Variants in TTK observed in about 807,000 individuals in gnomAD.
TTK encodes the protein dual specificity protein kinase TTK.
TTK carries 59 observed loss-of-function variants against 117.3 expected under a neutral mutation model. The observed-to-expected ratio is 0.50, with a 90% confidence interval of 0.41 to 0.62. The LOEUF is 0.62. Ranked by LOEUF, TTK falls within the 20% of genes least tolerant of loss-of-function variation. TTK has a pLI of 0.00. For synonymous variants in TTK, 302 were observed against 325.0 expected (o/e 0.93, Z 0.76); for missense variants, 921 against 989.4 (o/e 0.93, Z 0.93).
In TTK at chr6:80,024,860, G is replaced by GTCCAGACCATTTCTTCC. The variant is rs536064201; in HGVS notation, c.1258-1515_1258-1499dup. ...TATGGCTGTGTGCTCTCTGTTCTGT[G>GTCCAGACCATTTCTTCC]TCCAGACCATTTCTTCCTCTTTCTT... On this transcript the variant is annotated intron_variant, in intron 11 of 21. Coordinates refer to ENST00000369798, the MANE Select transcript of TTK (RefSeq NM_003318.5). Among the ~76,000 whole-genome samples the GTCCAGACCATTTCTTCC allele has an allele frequency of 8.2e-4, 125 of 152,202 alleles. 1 individual carries two copies. The highest frequency in any genetic ancestry group is 2.6e-3 in the African/African-American group (109 of 41,528).
rs758718963 is a variant in TTK at position 80,035,429 on chromosome 6, T to G, written c.1924+12T>G. On this transcript the variant is annotated intron_variant, in intron 16 of 21. Coordinates refer to ENST00000369798, the MANE Select transcript of TTK (RefSeq NM_003318.5). ...AATCCATCAACATGGTATTTAACAGTTTTTTTATATTTGTAAGGTTAAAAT... is the reference window on the plus strand; with the variant it reads ...AATCCATCAACATGGTATTTAACAGGTTTTTTATATTTGTAAGGTTAAAAT... 2 of 1,583,084 alleles carry G rather than the reference T, an allele frequency of 1.3e-6. No homozygotes were observed. Among genetic ancestry groups the G allele is most frequent in the South Asian group, 1.2e-5 (1 of 84,940 alleles).
intron 15 of TTK, 43 bp from the exon 16 acceptor site, chr6:80,035,223 C>A (rs530164028): frequency 3.9e-6 from 6 of 1,550,858 alleles, no homozygotes; most frequent in Non-Finnish European, 5.2e-6. Flanking sequence ...TTAATATAAC[C>A]TAGCCATTTA....
At chr6:80,008,748 A>T (rs1392367715) in intron 4 of TTK, among the ~76,000 whole-genome samples, 1 of 152,120 alleles carries the variant, frequency 6.6e-6, no homozygotes, top group Non-Finnish European at 1.5e-5. Context: ...TAGATTCAGG[A>T]AACATCTAAA....
At chr6:80,021,775 A>G (rs1767465579) in intron 10 of TTK, among the ~76,000 whole-genome samples, 1 of 152,100 alleles carries the variant, frequency 6.6e-6, no homozygotes, top group African/African-American at 2.4e-5. Flanking sequence ...ATGCAAGAGG[A>G]GTCTGCAACT....
At chr6:80,019,214 T>C (rs149834395) in intron 10 of TTK, among the ~76,000 whole-genome samples, 5 of 152,254 alleles carry the variant, frequency 3.3e-5, no homozygotes, top group African/African-American at 1.2e-4. Flanking sequence ...TAGCATAAGG[T>C]GAAATTTTTA....
intron 13 of TTK, among the ~76,000 whole-genome samples, chr6:80,029,336 T>C (rs1024594233): frequency 7.2e-5 from 11 of 152,228 alleles, no homozygotes; most frequent in Admixed American, 6.5e-4. Flanking sequence ...ATGTATAATT[T>C]GCACAGTTTG....
intron 13 of TTK, among the ~76,000 whole-genome samples, chr6:80,030,167 G>A (rs1366163942): frequency 6.6e-6 from 1 of 152,186 alleles, no homozygotes; most frequent in Non-Finnish European, 1.5e-5. Flanking sequence ...TAGTTAAATT[G>A]AGGTTTATTC....
intron 10 of TTK, among the ~76,000 whole-genome samples, chr6:80,019,502 A>G (rs1309303694): frequency 6.6e-6 from 1 of 152,200 alleles, no homozygotes; most frequent in Non-Finnish European, 1.5e-5. Context: ...ACAGGCATTT[A>G]TCTCATTTAC....
chr6:80,008,031 C>A lies in TTK; in HGVS notation c.362C>A (p.Ala121Asp). The change falls in exon 3 of 22, where the codon GCT (alanine) becomes GAT (aspartate). Residue 121 changes from alanine (A) to aspartate (D), a missense_variant and splice_region_variant. By Grantham distance (126) the Ala-to-Asp change is moderately radical. Transcript: ENST00000369798. ...RIQVRFAELK[A>D]IQEPDDARDY... Reference sequence around the variant, plus strand: ...CAAGTGAGATTTGCTGAATTAAAAGCGTAAGTATTAGCATTTTAACTATGT... The same window carrying A: ...CAAGTGAGATTTGCTGAATTAAAAGAGTAAGTATTAGCATTTTAACTATGT... 6.2e-7 allele frequency: 1 copy of A among 1,612,524 alleles called. No individual in the cohort carries two copies. The highest frequency in any genetic ancestry group is 8.5e-7 in the Non-Finnish European group (1 of 1,179,194).
intron 9 of TTK, chr6:80,013,608 A>G (rs1434032685): frequency 3.2e-6 from 1 of 314,276 alleles, no homozygotes; most frequent in Non-Finnish European, 5.7e-6. Flanking sequence ...TCATGAAGTA[A>G]TATTTATTAT....
At chr6:80,021,172 T>C (rs1240854414) in intron 10 of TTK, among the ~76,000 whole-genome samples, 2 of 152,110 alleles carry the variant, frequency 1.3e-5, no homozygotes, top group South Asian at 2.1e-4. Flanking sequence ...ACTAACTGAG[T>C]GTTACAGCAG....
chr6:80,010,457 C>G (rs570285500), intron 4 of TTK, among the ~76,000 whole-genome samples: 38 of 150,070 alleles, frequency 2.5e-4, no homozygotes, highest in African/African-American at 8.8e-4. Context: ...CTAGAATGCC[C>G]TCCTGTTTCT....
chr6:80,016,508 T>A (rs1226419839), intron 10 of TTK, among the ~76,000 whole-genome samples: 2 of 152,228 alleles, frequency 1.3e-5, no homozygotes, highest in African/African-American at 4.8e-5. Flanking sequence ...GGATACTCTC[T>A]TGTAACATAC....
At chr6:80,039,273 A>G (rs1283469126) in intron 18 of TTK, among the ~76,000 whole-genome samples, 1 of 151,984 alleles carries the variant, frequency 6.6e-6, no homozygotes, top group African/African-American at 2.4e-5. Flanking sequence ...TGTATTGCTT[A>G]TTTATTATTT....
At chr6:80,035,917 G>A (rs899144620) in intron 16 of TTK, among the ~76,000 whole-genome samples, 2 of 151,314 alleles carry the variant, frequency 1.3e-5, no homozygotes, top group Admixed American at 1.3e-4. Context: ...ATATTTTTTT[G>A]TTCTTAATAA....
Position 80,011,951 on chromosome 6 carries a change from T to G in TTK, c.867T>G (p.Asp289Glu). Residue 289 changes from aspartate (D) to glutamate (E), a missense_variant, in exon 8 of 22, where the codon GAT (aspartate) becomes GAG (glutamate). By Grantham distance (45) the Asp-to-Glu change is conservative. Transcript: ENST00000369798. ...LNSPDCDVKT[D>E]DSVVPCFMKR... ...GCCCAGATTGTGATGTGAAGACAGA[T>G]GATTCAGTTGTACCTTGTTTTATGA... 1.2e-6 allele frequency: 2 copies of G among 1,611,650 alleles called. No individual in the cohort carries two copies. The highest frequency in any genetic ancestry group is 1.7e-6 in the Non-Finnish European group (2 of 1,178,898).
intron 10 of TTK, 38 bp from the exon 11 acceptor site, chr6:80,022,286 A>G (rs371393504): frequency 2.2e-5 from 35 of 1,594,904 alleles, no homozygotes; most frequent in Non-Finnish European, 2.8e-5. Flanking sequence ...TTATGATCAA[A>G]TATTCTTGCT....
intron 5 of TTK, 96 bp from the exon 6 acceptor site, chr6:80,011,338 A>G (rs999800089): frequency 2.6e-5 from 21 of 817,816 alleles, no homozygotes; most frequent in East Asian, 8.5e-5. Context: ...AGTATTTCCT[A>G]TGAATTGACT....
rs748883691 is a variant in TTK at position 80,035,291 on chromosome 6, A to G, written c.1798A>G (p.Met600Val). The change falls in exon 16 of 22, where the codon ATG becomes GTG. Residue 600 changes from methionine to valine, a missense_variant. By Grantham distance (21) the Met-to-Val change is conservative. Coordinates refer to ENST00000369798, the MANE Select transcript of TTK (RefSeq NM_003318.5). ...TGAAATCACGGACCAGTACATCTAC[A>G]TGGTAATGGAGTGTGGAAATATTGA... ...DYEITDQYIY[M>V]VMECGNIDLN... 6 of 1,605,296 alleles carry G rather than the reference A, an allele frequency of 3.7e-6. No individual in the cohort carries two copies. The Admixed American group carries it at 8.6e-5, about 23-fold the overall frequency.
Sources: allele counts gnomAD v4.1 joint callset (sites outside exome capture counted in the v4.1 genomes callset), GRCh38; gene constraint gnomAD v4.1.1; transcripts MANE v1.5; gene names NCBI Gene and HGNC (gene_info 2026-07-23, HGNC 2026-07-21).